Variants in CTXND1 observed in about 807,000 individuals in gnomAD.
CTXND1 encodes the protein cortexin domain containing 1, also known as cortexin domain-containing 1 protein.
At chr15:80,237,352 A>AAG (rs1893513629) in intron 1 of CTXND1, among the ~76,000 whole-genome samples, 1 of 151,218 alleles carries the variant, frequency 6.6e-6, no homozygotes, top group Non-Finnish European at 1.5e-5. Context: ...AAAAAAAAAA[A>AAG]AAAAAGAAAG....
chr15:80,220,390 T>C (rs772632213), intron 1 of CTXND1, among the ~76,000 whole-genome samples: 19 of 152,218 alleles, frequency 1.2e-4, no homozygotes, highest in Non-Finnish European at 2.6e-4. Flanking sequence ...TTCTGGGCTC[T>C]CTATCCTTTT....
intron 1 of CTXND1, among the ~76,000 whole-genome samples, chr15:80,250,612 C>T (rs182552208): frequency 3.3e-5 from 5 of 152,288 alleles, no homozygotes; most frequent in Admixed American, 6.5e-5. Flanking sequence ...AAATAAACAG[C>T]TTCCCCACAA....
At chr15:80,250,214 G>T (rs974082526) in intron 1 of CTXND1, among the ~76,000 whole-genome samples, 1 of 152,208 alleles carries the variant, frequency 6.6e-6, no homozygotes, top group African/African-American at 2.4e-5. Flanking sequence ...TAGCAAGGCA[G>T]TATATTCAGA....
At chr15:80,223,642 C>T (rs1447661277) in intron 1 of CTXND1, among the ~76,000 whole-genome samples, 1 of 151,982 alleles carries the variant, frequency 6.6e-6, no homozygotes, top group African/African-American at 2.4e-5. Context: ...CAGAGTTTTC[C>T]ATGGTGGATG....
chr15:80,203,033 T>C (rs1311722125), intron 2 of CTXND1, among the ~76,000 whole-genome samples: 1 of 152,194 alleles, frequency 6.6e-6, no homozygotes, highest in African/African-American at 2.4e-5. Context: ...TTCACAGGGA[T>C]GTGACGACCA....
Position 80,238,610 on chromosome 15 carries a change from G to A in CTXND1, c.-218+13397C>T, listed in dbSNP as rs557846404. 7.9e-5 allele frequency among the ~76,000 whole-genome samples: 12 copies of A among 151,396 alleles called. No individual in the cohort carries two copies. In the East Asian group the frequency reaches 9.8e-4, roughly 12 times the overall value. ...CGCCATTCTCCTGCCTCAGCCTCCC[G>A]AGTAGCTAGGACTACAGGTGCCCGC... is the stretch of plus-strand genomic sequence containing the variant. On this transcript the variant is annotated intron_variant, in intron 1 of 2. Coordinates refer to ENST00000560778, the MANE Select transcript of CTXND1 (RefSeq NM_001352888.2).
chr15:80,206,055 T>C (rs1893144475), intron 1 of CTXND1, among the ~76,000 whole-genome samples: 1 of 152,086 alleles, frequency 6.6e-6, no homozygotes, highest in African/African-American at 2.4e-5. Context: ...AACAAATATA[T>C]ACTCACCACC....
Position 80,201,531 on chromosome 15 carries a change from C to G in CTXND1, c.*239G>C. 2.7e-6 allele frequency: 1 copy of G among 364,012 alleles called. No individual in the cohort carries two copies. Among genetic ancestry groups the G allele is most frequent in the Non-Finnish European group, 4.9e-6 (1 of 204,250 alleles). The allele number at this position is 364,012 out of a possible 1,614,324, so 22.5% of individuals were successfully genotyped here. ...ACACTGGAACCCCAGCCTCCTGGGT[C>G]CTGGTCCAGGGCTCTTTTCCCCTGG... On this transcript the variant is annotated 3_prime_UTR_variant, in exon 3 of 3. Coordinates refer to ENST00000560778, the MANE Select transcript of CTXND1 (RefSeq NM_001352888.2).
chr15:80,240,014 G>T (rs1470505837), intron 1 of CTXND1, among the ~76,000 whole-genome samples: 1 of 152,110 alleles, frequency 6.6e-6, no homozygotes, highest in African/African-American at 2.4e-5. Flanking sequence ...TGCCCAGGCT[G>T]GAGTGCAATG....
In CTXND1 at chr15:80,200,556, C is replaced by G. The variant is rs542517244; in HGVS notation, c.*1214G>C. ...ATCATCGATGACTTCTTCCTTGCCCCCCAACTCCGACTATAGCACATTCAT... is the reference window on the plus strand; with the variant it reads ...ATCATCGATGACTTCTTCCTTGCCCGCCAACTCCGACTATAGCACATTCAT... On this transcript the variant is annotated 3_prime_UTR_variant, in exon 3 of 3. Transcript: ENST00000560778. 6.6e-6 allele frequency: 1 copy of G among 152,268 alleles called. No individual in the cohort carries two copies. Among genetic ancestry groups the G allele is most frequent in the East Asian group, 1.9e-4 (1 of 5,182 alleles). 9.4% of individuals were successfully genotyped at this position (152,268 alleles called of 1,614,324 possible).
rs1893112145 is a variant in CTXND1, at chr15:80,203,688, G to A, written c.-165C>T. 2.6e-5 allele frequency: 4 copies of A among 152,230 alleles called. No homozygotes were observed. Among genetic ancestry groups the A allele is most frequent in the African/African-American group, 9.7e-5 (4 of 41,432 alleles). 9.4% of individuals were successfully genotyped at this position (152,230 alleles called of 1,614,324 possible). ...TGGGGGTCACCCAAGGAGAACAGTG[G>A]CCTTTCACTGAGAGCAGGCACTGTG... On this transcript the variant is annotated 5_prime_UTR_variant, in exon 2 of 3. Transcript: ENST00000560778.
At chr15:80,216,496 A>G (rs895578775) in intron 1 of CTXND1, among the ~76,000 whole-genome samples, 5 of 152,208 alleles carry the variant, frequency 3.3e-5, no homozygotes, top group Non-Finnish European at 7.3e-5. Context: ...ACAAACTGTC[A>G]TTTACTTTGC....
At chr15:80,225,989 C>G (rs1273631204) in intron 1 of CTXND1, among the ~76,000 whole-genome samples, 1 of 152,136 alleles carries the variant, frequency 6.6e-6, no homozygotes, top group African/African-American at 2.4e-5. Flanking sequence ...CTTAAGGGTC[C>G]ATGGGCAGGG....
intron 1 of CTXND1, among the ~76,000 whole-genome samples, chr15:80,204,388 G>A (rs1426811832): frequency 6.6e-6 from 1 of 150,446 alleles, no homozygotes; most frequent in African/African-American, 2.4e-5. Context: ...TCCATCTCCA[G>A]AACTCTTCAT....
chr15:80,246,557 G>A (rs778664971), intron 1 of CTXND1, among the ~76,000 whole-genome samples: 6 of 152,226 alleles, frequency 3.9e-5, no homozygotes, highest in Non-Finnish European at 7.3e-5. Context: ...AACCCGTTGT[G>A]GGAGTTAATG....
chr15:80,209,432 T>C (rs1893182433), intron 1 of CTXND1, among the ~76,000 whole-genome samples: 1 of 152,170 alleles, frequency 6.6e-6, no homozygotes, highest in Non-Finnish European at 1.5e-5. Flanking sequence ...ACACTGAGCC[T>C]GTACGAGCCA....
chr15:80,204,184 A>G (rs1893121193), intron 1 of CTXND1, among the ~76,000 whole-genome samples: 1 of 50,716 alleles, frequency 2.0e-5, no homozygotes, highest in Admixed American at 1.8e-4. Flanking sequence ...ATATATATAT[A>G]TATATATATA....
At chr15:80,235,745 C>A (rs1436120914) in intron 1 of CTXND1, among the ~76,000 whole-genome samples, 2 of 151,804 alleles carry the variant, frequency 1.3e-5, no homozygotes, top group Non-Finnish European at 2.9e-5. Context: ...ACAGGGCTAC[C>A]CTACCAATCC....
chr15:80,247,789 G>C (rs1893649933), intron 1 of CTXND1, among the ~76,000 whole-genome samples: 1 of 152,034 alleles, frequency 6.6e-6, no homozygotes, highest in Non-Finnish European at 1.5e-5. Context: ...ACTTTTCTCT[G>C]TTCTTCTGCA....
Sources: allele counts gnomAD v4.1 joint callset (sites outside exome capture counted in the v4.1 genomes callset), GRCh38; gene constraint gnomAD v4.1.1; transcripts MANE v1.5; gene names NCBI Gene and HGNC (gene_info 2026-07-23, HGNC 2026-07-21).